Variants in TF observed in about 807,000 individuals in gnomAD.
TF encodes the protein transferrin.
A neutral mutation model predicts 82.4 loss-of-function variants in TF; 55 were observed. The ratio of observed to expected loss-of-function variants is 0.67; its 90% CI spans 0.54 to 0.84. TF has a LOEUF of 0.84. Ranked by LOEUF, TF falls within the 40% of genes least tolerant of loss-of-function variation. TF has a pLI of 0.00. For missense variants in TF, 737 were observed against 868.4 expected, an observed-to-expected ratio of 0.85 and a Z score of 1.90; for synonymous variants, 332 against 332.6, an observed-to-expected ratio of 1.00 and a Z score of 0.02.
the TF span, among the ~76,000 whole-genome samples, chr3:133,721,159 T>C: frequency 6.6e-6 from 1 of 152,254 alleles, no homozygotes. Flanking sequence ...GTTCTTGTTT[T>C]TCTAGTTCTT....
At chr3:133,725,231 A>G in the TF span, among the ~76,000 whole-genome samples, 2 of 152,114 alleles carry the variant, frequency 1.3e-5, no homozygotes, top group African/African-American at 2.4e-5. Context: ...CATTGAATCT[A>G]TAAATTACCT....
chr3:133,775,704 C>T, intron 15 of TF, 87 bp downstream of exon 15: 1 of 1,355,880 alleles, frequency 7.4e-7, no homozygotes, highest in South Asian at 1.2e-5. Context: ...GCAGCCATGA[C>T]TCCAGCACTT....
chr3:133,671,519 C>T, the TF span, among the ~76,000 whole-genome samples: 2 of 151,996 alleles, frequency 1.3e-5, no homozygotes, highest in Middle Eastern at 3.4e-3. Flanking sequence ...CATGGTGGCT[C>T]ACAGCTGTAA....
At position 133,788,667 on chromosome 3, in the gene TF, G is replaced by C. The variant is rs933842796; in HGVS notation, c.*10047G>C. 2 of 151,928 alleles carry C rather than the reference G, an allele frequency of 1.3e-5. No homozygotes were observed. The highest frequency in any genetic ancestry group is 2.9e-5 in the Non-Finnish European group (2 of 68,036). The allele number at this position is 151,928 out of a possible 1,614,324, so 9.4% of individuals were successfully genotyped here. Reference sequence around the variant, plus strand: ...TCTGTCTCTTTTTCCTTTCCAACTCGGGACCCTTGGTGGGCAGCGCCTAAA... The same window carrying C: ...TCTGTCTCTTTTTCCTTTCCAACTCCGGACCCTTGGTGGGCAGCGCCTAAA... On this transcript the variant is annotated 3_prime_UTR_variant, in exon 17 of 17. Coordinates refer to ENST00000402696, the MANE Select transcript of TF (RefSeq NM_001063.4).
At chr3:133,775,672 C>A in intron 15 of TF, 55 bp downstream of exon 15, 1 of 1,586,012 alleles carries the variant, frequency 6.3e-7, no homozygotes, top group South Asian at 1.1e-5. Flanking sequence ...ATAGGCTATT[C>A]GGGGGGAGTT....
chr3:133,720,865 T>A, the TF span, among the ~76,000 whole-genome samples: 1 of 152,096 alleles, frequency 6.6e-6, no homozygotes, highest in Non-Finnish European at 1.5e-5. Flanking sequence ...TTCTTCTATG[T>A]TATCAAATTT....
chr3:133,754,676 G>C lies in TF; in HGVS notation c.502+5G>C, dbSNP rs1406631929. ...CACGTAAACCTCTTGAGAAAGGTAAGCTGGCAGGAGTCTGGGTGCCCTCGA... is the reference window on the plus strand; with the variant it reads ...CACGTAAACCTCTTGAGAAAGGTAACCTGGCAGGAGTCTGGGTGCCCTCGA... On this transcript the variant is annotated splice_donor_5th_base_variant and intron_variant, in intron 4 of 16. Coordinates refer to ENST00000402696, the MANE Select transcript of TF (RefSeq NM_001063.4). The C allele has an allele frequency of 1.2e-6, 2 of 1,614,156 alleles. No individual in the cohort carries two copies. Among genetic ancestry groups the C allele is most frequent in the Non-Finnish European group, 1.7e-6 (2 of 1,180,030 alleles).
At chr3:133,770,892 C>G in intron 14 of TF, 1 of 420,996 alleles carries the variant, frequency 2.4e-6, no homozygotes, top group African/African-American at 2.0e-5. Context: ...AGTATGATTA[C>G]CAAGATCAGG....
the TF span, among the ~76,000 whole-genome samples, chr3:133,714,884 T>C: frequency 2.0e-5 from 3 of 152,038 alleles, no homozygotes; most frequent in Non-Finnish European, 4.4e-5. Context: ...GGTTTCACCA[T>C]GTTGGCCAGG....
chr3:133,677,225 A>G, the TF span, among the ~76,000 whole-genome samples: 3 of 152,216 alleles, frequency 2.0e-5, no homozygotes, highest in Non-Finnish European at 2.9e-5. Context: ...AAATATTCAC[A>G]GTGGGCTCTG....
chr3:133,755,640 A>C, intron 5 of TF, 145 bp downstream of exon 5: 1 of 1,138,862 alleles, frequency 8.8e-7, no homozygotes, highest in Non-Finnish European at 1.3e-6. Context: ...CAGAAGCACA[A>C]CCTGGGACTC....
chr3:133,725,453 T>C, the TF span, among the ~76,000 whole-genome samples: 1 of 152,152 alleles, frequency 6.6e-6, no homozygotes, highest in Non-Finnish European at 1.5e-5. Context: ...TTTGGCTCTC[T>C]GTTTGTCTGT....
chr3:133,713,968 C>T, the TF span, among the ~76,000 whole-genome samples: 3 of 152,138 alleles, frequency 2.0e-5, no homozygotes, highest in Admixed American at 6.5e-5. Context: ...GGATACTTTC[C>T]AACTGTAAGT....
chr3:133,748,374 G>A, intron 1 of TF, 38 bp from the exon 2 acceptor site: 6 of 1,613,370 alleles, frequency 3.7e-6, no homozygotes, highest in South Asian at 1.1e-5. Context: ...CCTCAGCATA[G>A]GGAGTGGGCC....
chr3:133,669,435 G>A, the TF span, among the ~76,000 whole-genome samples: 4 of 152,204 alleles, frequency 2.6e-5, no homozygotes, highest in East Asian at 7.7e-4. Flanking sequence ...CTTTCATAGT[G>A]TTTTGCTGTT....
rs990839407 is a variant in TF at position 133,787,940 on chromosome 3, G to A, written c.*9320G>A. 18 of 152,178 alleles carry A rather than the reference G, an allele frequency of 1.2e-4. No individual in the cohort carries two copies. The highest frequency in any genetic ancestry group is 4.3e-4 in the African/African-American group (18 of 41,442). The allele number at this position is 152,178 out of a possible 1,614,324, so 9.4% of individuals were successfully genotyped here. A position where few individuals can be genotyped will look rare whatever the true frequency, so the allele number is the denominator to read the frequency against. ...TGAAAACGACTTTTGGAAGTGAAAT[G>A]ATAACATCAACCCTAAGTGACACAT... On this transcript the variant is annotated 3_prime_UTR_variant, in exon 17 of 17. Coordinates refer to ENST00000402696, the MANE Select transcript of TF (RefSeq NM_001063.4).
chr3:133,742,422 A>G (rs1273802865), upstream of TF, among the ~76,000 whole-genome samples: 2 of 152,114 alleles, frequency 1.3e-5, no homozygotes, highest in Non-Finnish European at 2.9e-5. Context: ...TGAGAGGTAG[A>G]ACAGAGATAG....
intron 1 of TF, among the ~76,000 whole-genome samples, chr3:133,746,963 C>T (rs1030428580): frequency 7.9e-5 from 12 of 152,126 alleles, no homozygotes; most frequent in African/African-American, 1.4e-4. Context: ...AAGTCCTGGC[C>T]GGCTCCTCAC....
At chr3:133,770,375 G>T in intron 13 of TF, 133 bp from the exon 14 acceptor site, 1 of 812,818 alleles carries the variant, frequency 1.2e-6, no homozygotes, top group Non-Finnish European at 2.2e-6. Context: ...TCCTTACATT[G>T]CTTACTGTTA....
Sources: gnomAD v4.1 joint callset for allele counts (sites outside exome capture counted in the v4.1 genomes callset) on GRCh38, gnomAD v4.1.1 for gene constraint, MANE v1.5 for transcripts, NCBI Gene and HGNC (gene_info 2026-07-23, HGNC 2026-07-21) for gene names.